ZNF514: variants seen among roughly 807,000 people sequenced by gnomAD.
ZNF514 encodes zinc finger protein 514.
ZNF514 carries 12 observed loss-of-function variants against 9.7 expected under a neutral mutation model. The ratio of observed to expected loss-of-function variants is 1.24; its 90% CI spans 0.79 to 2.01. The LOEUF is 2.01. ZNF514 is among the 30% of genes most tolerant of loss of function. The probability of loss-of-function intolerance (pLI) is 0.00; values close to 1 mark genes in which losing one functional copy is unlikely to be tolerated. For synonymous variants in ZNF514, 158 were observed against 163.7 expected, an observed-to-expected ratio of 0.97 and a Z score of 0.27; for missense variants, 467 against 465.5, an observed-to-expected ratio of 1.00 and a Z score of -0.03.
chr2:95,144,076 G>C (rs1424155547), downstream of ZNF514, among the ~76,000 whole-genome samples: 1 of 152,188 alleles, frequency 6.6e-6, no homozygotes, highest in African/African-American at 2.4e-5. Context: ...TCACTAGCTG[G>C]TCAGGGCAGC....
rs1673716868 is a variant in ZNF514 at position 95,157,399 on chromosome 2, G to A, written c.-55C>T. The A allele has an allele frequency of 7.8e-7, 1 of 1,289,672 alleles. No individual in the cohort carries two copies. Among genetic ancestry groups the A allele is most frequent in the Non-Finnish European group, 1.0e-6 (1 of 988,774 alleles). 79.9% of individuals were successfully genotyped at this position (1,289,672 alleles called of 1,614,324 possible). On this transcript the variant is annotated 5_prime_UTR_variant, in exon 2 of 5. Transcript: ENST00000295208. ...AATTGGTTGTTCCCTCTTCTCCTGG[G>A]AATCTCTCTGGAGGAAGAGCAGGAT...
At chr2:95,143,892 G>A (rs1333367419), downstream of ZNF514, among the ~76,000 whole-genome samples, 2 of 152,200 alleles carry the variant, frequency 1.3e-5, no homozygotes, top group African/African-American at 4.8e-5. Context: ...AGAAAGAAAG[G>A]AATGTGGGGA....
chr2:95,129,041 A>T, the ZNF514 span, among the ~76,000 whole-genome samples: 1 of 152,158 alleles, frequency 6.6e-6, no homozygotes, highest in African/African-American at 2.4e-5. Context: ...GGTATAGGCC[A>T]CTCTGGGCCT....
chr2:95,152,521 C>T (rs1351992878), intron 4 of ZNF514, among the ~76,000 whole-genome samples, 153 bp downstream of exon 4: 1 of 152,170 alleles, frequency 6.6e-6, no homozygotes, highest in Non-Finnish European at 1.5e-5. Flanking sequence ...CTCCTGACAC[C>T]AGAAATAATT....
the ZNF514 span, among the ~76,000 whole-genome samples, chr2:95,128,998 T>C: frequency 6.6e-6 from 1 of 152,228 alleles, no homozygotes; most frequent in Non-Finnish European, 1.5e-5. Flanking sequence ...TTCTGTAGTA[T>C]ACCAAGGAAA....
rs1162238786 is a variant in ZNF514, at chr2:95,145,673, G to A, written c.*3609C>T. Among the ~76,000 whole-genome samples, 1 of 152,142 alleles carries A rather than the reference G, an allele frequency of 6.6e-6. No homozygotes were observed. The highest frequency in any genetic ancestry group is 1.5e-5 in the Non-Finnish European group (1 of 68,030). The stretch of plus-strand genomic sequence containing the variant: ...GTCCCTTCCCCACCAGCTTCAAGTT[G>A]TCCTGCCTTTCTCCATCGAACCAAT... On this transcript the variant is annotated 3_prime_UTR_variant, in exon 5 of 5. Coordinates refer to ENST00000295208, the MANE Select transcript of ZNF514 (RefSeq NM_032788.3).
At chr2:95,157,249 G>T in intron 2 of ZNF514, 102 bp downstream of exon 2, 1 of 658,866 alleles carries the variant, frequency 1.5e-6, no homozygotes, top group Non-Finnish European at 2.4e-6. Context: ...AGACAGCATT[G>T]GGTCAGTTCC....
At chr2:95,158,813 G>A in intron 1 of ZNF514, 1 of 1,269,680 alleles carries the variant, frequency 7.9e-7, no homozygotes, top group South Asian at 1.3e-5. Flanking sequence ...TCTGGGTCTG[G>A]AAGGTTAGAT....
chr2:95,127,679 A>T, the ZNF514 span, among the ~76,000 whole-genome samples: 1 of 152,180 alleles, frequency 6.6e-6, no homozygotes, highest in Non-Finnish European at 1.5e-5. Context: ...GTGCAGTGGC[A>T]TGATCGCAGC....
At chr2:95,137,933 C>T in the ZNF514 span, among the ~76,000 whole-genome samples, 3 of 152,188 alleles carry the variant, frequency 2.0e-5, no homozygotes, top group Non-Finnish European at 4.4e-5. Context: ...AGTGCATTCT[C>T]ATGAGATCTG....
chr2:95,153,502 G>A (rs914333809), intron 2 of ZNF514: 4 of 329,412 alleles, frequency 1.2e-5, no homozygotes, highest in Non-Finnish European at 2.2e-5. Flanking sequence ...AGGATCAACA[G>A]TTTTCTAATA....
the ZNF514 span, among the ~76,000 whole-genome samples, chr2:95,125,117 G>A: frequency 6.1e-5 from 9 of 147,038 alleles, no homozygotes; most frequent in Non-Finnish European, 1.0e-4. Flanking sequence ...GACCTCAAGC[G>A]ATCCGCCCAC....
chr2:95,132,334 A>G, the ZNF514 span, among the ~76,000 whole-genome samples: 2 of 152,136 alleles, frequency 1.3e-5, no homozygotes, highest in Non-Finnish European at 2.9e-5. Flanking sequence ...ATTTCACCAA[A>G]AAAGATGTAC....
the ZNF514 span, among the ~76,000 whole-genome samples, chr2:95,128,488 G>A: frequency 6.6e-6 from 1 of 151,970 alleles, no homozygotes; most frequent in African/African-American, 2.4e-5. Context: ...CCCAGGAGGC[G>A]GAGGTTGCAG....
At chr2:95,153,073 C>G in intron 3 of ZNF514, 60 bp downstream of exon 3, 1 of 1,573,216 alleles carries the variant, frequency 6.4e-7, no homozygotes, top group Non-Finnish European at 8.6e-7. Context: ...ACCACTAGCT[C>G]TTAAACATCA....
intron 4 of ZNF514, among the ~76,000 whole-genome samples, chr2:95,150,582 A>C (rs1673510656): frequency 6.6e-6 from 1 of 152,212 alleles, no homozygotes; most frequent in African/African-American, 2.4e-5. Context: ...CTAAGTGTAA[A>C]GGATGGAGAC....
In ZNF514 at chr2:95,149,487, A is replaced by G; in HGVS notation, c.998T>C (p.Val333Ala). Residue 333 changes from valine (V) to alanine (A), a missense_variant, in exon 5 of 5, where the codon GTG becomes GCG. Transcript: ENST00000295208. ...CTCTCCAGTATGAAATCTGTAATGC[A>G]CAATGAGTGATGAGCTCTGGCTGAA... ...RTFSQSSSLI[V>A]HYRFHTGEKP... The G allele has an allele frequency of 6.2e-7, 1 of 1,613,804 alleles. No homozygotes were observed. The highest frequency in any genetic ancestry group is 8.5e-7 in the Non-Finnish European group (1 of 1,179,948).
chr2:95,157,563 G>T, intron 1 of ZNF514, 124 bp from the exon 2 acceptor site: 1 of 433,320 alleles, frequency 2.3e-6, no homozygotes, highest in Non-Finnish European at 4.3e-6. Flanking sequence ...GGACACCAGT[G>T]GATCAAAAGG....
At chr2:95,135,410 G>A in the ZNF514 span, among the ~76,000 whole-genome samples, 40 of 143,520 alleles carry the variant, frequency 2.8e-4, 1 homozygote, top group African/African-American at 4.9e-4. Flanking sequence ...TCTTTCCTTC[G>A]TTCTTTCTTT....
Sources: gnomAD v4.1 joint callset for allele counts (sites outside exome capture counted in the v4.1 genomes callset) on GRCh38, gnomAD v4.1.1 for gene constraint, MANE v1.5 for transcripts, NCBI Gene and HGNC (gene_info 2026-07-23, HGNC 2026-07-21) for gene names.